Variants in FOLH1 observed in about 807,000 individuals in gnomAD.
The protein encoded by FOLH1 is glutamate carboxypeptidase 2.
Under a neutral mutation model 93.9 loss-of-function variants are expected in FOLH1, and 54 were observed. The observed-to-expected ratio is 0.57, with a 90% confidence interval of 0.46 to 0.72. FOLH1 has a LOEUF of 0.72. Ranked by LOEUF, FOLH1 falls within the 30% of genes least tolerant of loss-of-function variation. FOLH1 has a pLI of 0.00. For missense variants in FOLH1, 571 were observed against 892.5 expected, an observed-to-expected ratio of 0.64 and a Z score of 4.59; for synonymous variants, 249 against 303.6, an observed-to-expected ratio of 0.82 and a Z score of 1.87.
At chr11:49,188,636 A>G (rs1590637016) in intron 4 of FOLH1, among the ~76,000 whole-genome samples, 1 of 152,186 alleles carries the variant, frequency 6.6e-6, no homozygotes, top group East Asian at 1.9e-4. Context: ...TTAGAAATAT[A>G]TCTTTGAATG....
chr11:49,181,573 G>A (rs1173722843), intron 7 of FOLH1, among the ~76,000 whole-genome samples: 3 of 151,902 alleles, frequency 2.0e-5, no homozygotes, highest in African/African-American at 7.3e-5. Context: ...AGTAATTAAT[G>A]TATTATTCGA....
In FOLH1 at chr11:49,198,365, C is replaced by G. The variant is rs1264221132; in HGVS notation, c.411+1890G>C. Among the ~76,000 whole-genome samples the G allele has an allele frequency of 4.6e-5, 7 of 151,992 alleles. No homozygotes were observed. In the East Asian group the frequency reaches 1.4e-3, roughly 30 times the overall value. ...GGCGTCGTGGCGGGAGCCTGTAGTCCCAGCTACTAGGGAGGCTGAGACAGG... is the reference window on the plus strand; with the variant it reads ...GGCGTCGTGGCGGGAGCCTGTAGTCGCAGCTACTAGGGAGGCTGAGACAGG... On this transcript the variant is annotated intron_variant, in intron 3 of 18. Coordinates refer to ENST00000256999, the MANE Select transcript of FOLH1 (RefSeq NM_004476.3).
rs1167610605 is a variant in FOLH1 at position 49,146,681 on chromosome 11, T to G, written c.*75A>C. 1.6e-5 allele frequency: 22 copies of G among 1,387,266 alleles called. No individual in the cohort carries two copies. The highest frequency in any genetic ancestry group is 2.0e-5 in the Non-Finnish European group (21 of 1,037,080). The allele number at this position is 1,387,266 out of a possible 1,614,324, so 85.9% of individuals were successfully genotyped here. A position where few individuals can be genotyped will look rare whatever the true frequency, so the allele number is the denominator to read the frequency against. ...TTTCAAATATACCAATTTTAAAATTTATCAATATACCCATTACGATTCTTT... is the reference window on the plus strand; with the variant it reads ...TTTCAAATATACCAATTTTAAAATTGATCAATATACCCATTACGATTCTTT... On this transcript the variant is annotated 3_prime_UTR_variant, in exon 19 of 19. Transcript: ENST00000256999.
Position 49,154,346 on chromosome 11 carries a change from G to A in FOLH1, c.1770C>T (p.Ser590=). 6.2e-7 allele frequency: 1 copy of A among 1,613,468 alleles called. No individual in the cohort carries two copies. ...CTCGACAATCAAAAGGGAGCACTATGGAATTGGCTAGCTCAAACACCATCC... is the reference window on the plus strand; with the variant it reads ...CTCGACAATCAAAAGGGAGCACTATAGAATTGGCTAGCTCAAACACCATCC... ...RGGMVFELAN[S]IVLPFDCRDY... Residue 590 remains serine, a synonymous_variant, in exon 16 of 19, where the codon TCC becomes TCT. Transcript: ENST00000256999.
intron 4 of FOLH1, among the ~76,000 whole-genome samples, chr11:49,192,449 T>C (rs1862173558): frequency 6.6e-6 from 1 of 152,206 alleles, no homozygotes; most frequent in Non-Finnish European, 1.5e-5. Flanking sequence ...CTGGGGTATG[T>C]AGAGTTGATT....
intron 17 of FOLH1, among the ~76,000 whole-genome samples, chr11:49,149,446 A>G (rs1239329839): frequency 6.6e-6 from 1 of 152,118 alleles, no homozygotes. Context: ...CTCTTACCAC[A>G]TGCTTAATCC....
intron 7 of FOLH1, among the ~76,000 whole-genome samples, chr11:49,176,948 T>C (rs1860117266): frequency 6.6e-6 from 1 of 152,232 alleles, no homozygotes; most frequent in Admixed American, 6.5e-5. Context: ...CAATCTGTCC[T>C]GTAAGGCTTT....
rs182668826 is a variant in FOLH1 at position 49,150,463 on chromosome 11, C to G, written c.1971-1732G>C. 2.7e-3 allele frequency among the ~76,000 whole-genome samples: 416 copies of G among 152,124 alleles called. 1 individual carries two copies. The highest frequency in any genetic ancestry group is 4.3e-3 in the Non-Finnish European group (294 of 67,960). ...CAAGATTTTCTTCACCTTAGGTATCCTAGCAATCTACTCACTGAAGTAATA... is the reference window on the plus strand; with the variant it reads ...CAAGATTTTCTTCACCTTAGGTATCGTAGCAATCTACTCACTGAAGTAATA... On this transcript the variant is annotated intron_variant, in intron 17 of 18. Coordinates refer to ENST00000256999, the MANE Select transcript of FOLH1 (RefSeq NM_004476.3).
intron 7 of FOLH1, among the ~76,000 whole-genome samples, chr11:49,177,882 G>C (rs1253577685): frequency 6.6e-6 from 1 of 150,454 alleles, no homozygotes; most frequent in Non-Finnish European, 1.5e-5. Context: ...AGAATCACTT[G>C]AACCTGGGAG....
At chr11:49,182,357 T>G (rs1226591171) in intron 7 of FOLH1, among the ~76,000 whole-genome samples, 2 of 114,412 alleles carry the variant, frequency 1.7e-5, no homozygotes, top group Non-Finnish European at 3.6e-5. Flanking sequence ...AAAAAGGACA[T>G]GGCAATGGGA....
chr11:49,180,294 G>A (rs1039546101), intron 7 of FOLH1, among the ~76,000 whole-genome samples: 1 of 152,188 alleles, frequency 6.6e-6, no homozygotes, highest in African/African-American at 2.4e-5. Context: ...TATTACTGTT[G>A]CCGTTGGCAC....
intron 2 of FOLH1, among the ~76,000 whole-genome samples, chr11:49,202,570 A>G (rs1005577785): frequency 2.6e-5 from 4 of 152,194 alleles, no homozygotes; most frequent in Non-Finnish European, 4.4e-5. Context: ...GTAGAGACAG[A>G]GTCTCACTCA....
chr11:49,199,689 T>A (rs148063808), intron 3 of FOLH1, among the ~76,000 whole-genome samples: 5,132 of 152,200 alleles, frequency 0.034, 126 homozygotes, highest in Non-Finnish European at 0.051. Context: ...GGCGGGTGGA[T>A]CACCTGAGGT....
chr11:49,167,373 T>G (rs1382372412), intron 12 of FOLH1, among the ~76,000 whole-genome samples: 1 of 152,068 alleles, frequency 6.6e-6, no homozygotes, highest in Non-Finnish European at 1.5e-5. Flanking sequence ...GTCACACAAA[T>G]AGGAAGTTGC....
intron 4 of FOLH1, among the ~76,000 whole-genome samples, chr11:49,189,362 C>T (rs547551934): frequency 3.9e-4 from 59 of 152,202 alleles, no homozygotes; most frequent in Non-Finnish European, 6.2e-4. Context: ...AGCATGTACA[C>T]GACAAATATA....
chr11:49,201,094 G>A (rs1863207114), intron 2 of FOLH1, among the ~76,000 whole-genome samples: 1 of 151,858 alleles, frequency 6.6e-6, no homozygotes, highest in Non-Finnish European at 1.5e-5. Context: ...ATATTTTCAG[G>A]AGTAGACTAA....
chr11:49,208,032 G>C, intron 1 of FOLH1: 1 of 642,736 alleles, frequency 1.6e-6, no homozygotes, highest in Non-Finnish European at 2.8e-6. Context: ...ACCTTCCTAC[G>C]CCCAGTTTCA....
intron 12 of FOLH1, among the ~76,000 whole-genome samples, chr11:49,166,745 T>C (rs2299648): frequency 0.54 from 81,044 of 149,534 alleles, 23,051 homozygotes; most frequent in Admixed American, 0.64. Flanking sequence ...ACAAGTGAGA[T>C]GAATGGTGTC....
intron 13 of FOLH1, among the ~76,000 whole-genome samples, chr11:49,164,401 G>C (rs574476377): frequency 2.0e-5 from 3 of 152,072 alleles, no homozygotes; most frequent in Non-Finnish European, 2.9e-5. Context: ...GTCTTGGTTC[G>C]GCTACCGTAC....
Sources: allele counts gnomAD v4.1 joint callset (sites outside exome capture counted in the v4.1 genomes callset), GRCh38; gene constraint gnomAD v4.1.1; transcripts MANE v1.5; gene names NCBI Gene and HGNC (gene_info 2026-07-23, HGNC 2026-07-21).